CENPP: variants seen among roughly 807,000 people sequenced by gnomAD.
The protein encoded by CENPP is centromere protein P.
A neutral mutation model predicts 35.6 loss-of-function variants in CENPP; 24 were observed. That is an observed-to-expected ratio of 0.67 (90% CI 0.49 to 0.95). The LOEUF (loss-of-function observed/expected upper bound fraction) is 0.95. Ranked by LOEUF, CENPP falls within the 40% of genes least tolerant of loss-of-function variation. The pLI is 0.00. For synonymous variants in CENPP, 120 were observed against 125.5 expected (o/e 0.96, Z 0.29); for missense variants, 332 against 345.3 (o/e 0.96, Z 0.31).
chr9:92,609,795 C>A (rs1851185425), intron 5 of CENPP, among the ~76,000 whole-genome samples: 1 of 152,034 alleles, frequency 6.6e-6, no homozygotes, highest in Non-Finnish European at 1.5e-5. Context: ...GGATGGAGTG[C>A]AGTGGCACGA....
chr9:92,523,427 A>T (rs1014673661), intron 5 of CENPP, among the ~76,000 whole-genome samples: 2 of 152,106 alleles, frequency 1.3e-5, no homozygotes, highest in Non-Finnish European at 2.9e-5. Flanking sequence ...CCTCAACACC[A>T]CCCATAGGGT....
intron 2 of CENPP, among the ~76,000 whole-genome samples, chr9:92,336,582 G>A (rs2130786703): frequency 6.6e-6 from 1 of 151,928 alleles, no homozygotes; most frequent in East Asian, 1.9e-4. Context: ...CTTTATCCTT[G>A]TAGAATCTTG....
At chr9:92,384,805 T>C (rs749989622) in intron 5 of CENPP, 1 of 152,144 alleles carries the variant, frequency 6.6e-6, no homozygotes, top group African/African-American at 2.4e-5. Flanking sequence ...TTTGCAGTTA[T>C]CTCGTATTTG....
chr9:92,393,852 G>A lies in CENPP; in HGVS notation c.564+13993G>A, dbSNP rs13294520. Among the ~76,000 whole-genome samples, 1,422 of 152,074 alleles carry A rather than the reference G, an allele frequency of 9.4e-3. 13 individuals carry two copies. The highest frequency in any genetic ancestry group is 0.017 in the Middle Eastern group (5 of 294). ...TGCAGAATGCCTTTCAGTTGGCAGAGGTTTCTCATTTTTGGCAGGAGTACC... is the reference window on the plus strand; with the variant it reads ...TGCAGAATGCCTTTCAGTTGGCAGAAGTTTCTCATTTTTGGCAGGAGTACC... On this transcript the variant is annotated intron_variant, in intron 5 of 7. Coordinates refer to ENST00000375587, the MANE Select transcript of CENPP (RefSeq NM_001012267.3).
intron 5 of CENPP, among the ~76,000 whole-genome samples, chr9:92,435,202 T>A (rs191161181): frequency 6.6e-6 from 1 of 152,336 alleles, no homozygotes; most frequent in East Asian, 1.9e-4. Context: ...ATCACCCTTA[T>A]TTTTCATTTT....
At chr9:92,429,516 G>A (rs887587688) in intron 5 of CENPP, among the ~76,000 whole-genome samples, 10 of 152,178 alleles carry the variant, frequency 6.6e-5, no homozygotes, top group African/African-American at 2.2e-4. Context: ...GCCAAGTGCA[G>A]TGGCTCACTC....
intron 5 of CENPP, chr9:92,515,047 G>T (rs13291847): frequency 6.2e-7 from 1 of 1,614,062 alleles, no homozygotes; most frequent in South Asian, 1.1e-5. Context: ...ATCCTCCTCA[G>T]ATTGAAGTGC....
At chr9:92,570,079 C>T (rs1850095138) in intron 5 of CENPP, among the ~76,000 whole-genome samples, 1 of 152,126 alleles carries the variant, frequency 6.6e-6, no homozygotes, top group South Asian at 2.1e-4. Flanking sequence ...ATTTCTTTCT[C>T]CCGCCTGATT....
chr9:92,589,120 G>A (rs1038574500), intron 5 of CENPP, among the ~76,000 whole-genome samples: 23 of 151,574 alleles, frequency 1.5e-4, no homozygotes, highest in Admixed American at 4.6e-4. Context: ...CTGAGCCCAC[G>A]AGTTCAAGAC....
At chr9:92,436,962 G>T (rs1245910303) in intron 5 of CENPP, among the ~76,000 whole-genome samples, 1 of 152,248 alleles carries the variant, frequency 6.6e-6, no homozygotes, top group East Asian at 1.9e-4. Flanking sequence ...CACTTTGGGA[G>T]GCCAAGGCGG....
intron 5 of CENPP, among the ~76,000 whole-genome samples, chr9:92,521,773 GTGGTTGAAAATTTT>G (rs1848085528): frequency 2.0e-5 from 3 of 152,118 alleles, no homozygotes; most frequent in Admixed American, 2.0e-4. Context: ...AATTCTATTT[GTGGTTGAAAATTTT>G]TGGTTGAAAA....
rs141131559 is a variant in CENPP, at chr9:92,411,260, C to T, written c.564+31401C>T. Among the ~76,000 whole-genome samples the T allele has an allele frequency of 6.2e-4, 95 of 152,162 alleles. No homozygotes were observed. The East Asian group carries it at 0.018, about 29-fold the overall frequency. On this transcript the variant is annotated intron_variant, in intron 5 of 7. Transcript: ENST00000375587. The stretch of plus-strand genomic sequence containing the variant: ...GTGCTGGGATTACAGATGTGAGACA[C>T]CACACCCAGCCAGATTCCTTGTTTT...
chr9:92,390,587 T>TGTGTGTGTGCGCGCGC (rs749697394), intron 5 of CENPP, among the ~76,000 whole-genome samples: 6 of 141,914 alleles, frequency 4.2e-5, no homozygotes, highest in South Asian at 2.3e-4. Context: ...TGTGTGTGTG[T>TGTGTGTGTGCGCGCGC]GCGCGCGCGC....
intron 5 of CENPP, among the ~76,000 whole-genome samples, chr9:92,570,435 A>T (rs1189501423): frequency 6.6e-6 from 1 of 152,132 alleles, no homozygotes; most frequent in East Asian, 1.9e-4. Context: ...AGCCCACTTG[A>T]TCATGGTGGA....
chr9:92,336,629 A>T (rs1001811727), intron 2 of CENPP, among the ~76,000 whole-genome samples: 2 of 152,174 alleles, frequency 1.3e-5, no homozygotes, highest in African/African-American at 4.8e-5. Context: ...AAACTAGATG[A>T]CTACGTAAAG....
intron 5 of CENPP, among the ~76,000 whole-genome samples, chr9:92,435,156 A>G (rs939839672): frequency 6.6e-6 from 1 of 152,262 alleles, no homozygotes. Context: ...CAGGCAATCT[A>G]TGGTCATCTT....
chr9:92,384,036 T>C (rs1305987222), intron 5 of CENPP: 1 of 152,200 alleles, frequency 6.6e-6, no homozygotes, highest in Non-Finnish European at 1.5e-5. Context: ...ACTATTGTGC[T>C]AGGCAATTGA....
chr9:92,514,863 ATCCTCCTCC>A, intron 5 of CENPP: 1 of 1,608,214 alleles, frequency 6.2e-7, no homozygotes, highest in Non-Finnish European at 8.5e-7. Flanking sequence ...CCTCCTCCTC[ATCCTCCTCC>A]TCCTCCCTTC....
intron 5 of CENPP, among the ~76,000 whole-genome samples, chr9:92,439,938 T>C (rs1285063239): frequency 2.6e-5 from 4 of 152,166 alleles, no homozygotes; most frequent in African/African-American, 9.7e-5. Context: ...TACAGTGGCC[T>C]CCCCTTATCC....
Sources: gnomAD v4.1 joint callset for allele counts (sites outside exome capture counted in the v4.1 genomes callset) on GRCh38, gnomAD v4.1.1 for gene constraint, MANE v1.5 for transcripts, NCBI Gene and HGNC (gene_info 2026-07-23, HGNC 2026-07-21) for gene names.